Variants in KCNAB1 observed in about 807,000 individuals in gnomAD.
KCNAB1 encodes the protein voltage-gated potassium channel subunit beta-1.
Under a neutral mutation model 64.6 loss-of-function variants are expected in KCNAB1, and 35 were observed. The ratio of observed to expected loss-of-function variants is 0.54; its 90% CI spans 0.41 to 0.72. The LOEUF is 0.72. Among genes scored for constraint, KCNAB1 ranks in the 30% least tolerant of loss-of-function variants. The pLI is 0.00. For missense variants in KCNAB1, 401 were observed against 512.9 expected (o/e 0.78, Z 2.11); for synonymous variants, 177 against 183.8 (o/e 0.96, Z 0.30).
At chr3:156,311,658 T>C (rs1721913144) in intron 1 of KCNAB1, among the ~76,000 whole-genome samples, 1 of 152,148 alleles carries the variant, frequency 6.6e-6, no homozygotes, top group African/African-American at 2.4e-5. Context: ...TCATTGCATA[T>C]TCTTTAGCAC....
At chr3:156,297,923 A>T (rs138531443) in intron 1 of KCNAB1, among the ~76,000 whole-genome samples, 1 of 152,300 alleles carries the variant, frequency 6.6e-6, no homozygotes, top group Non-Finnish European at 1.5e-5. Context: ...CCAGAAAAAA[A>T]GAGCAGTTTG....
chr3:156,453,086 T>C, intron 3 of KCNAB1, 150 bp downstream of exon 3: 1 of 530,304 alleles, frequency 1.9e-6, no homozygotes, highest in Non-Finnish European at 3.4e-6. Flanking sequence ...TTATTGTTGA[T>C]TTTATTTTTC....
intron 1 of KCNAB1, chr3:156,291,916 C>G: frequency 6.2e-7 from 1 of 1,614,118 alleles, no homozygotes; most frequent in Non-Finnish European, 8.5e-7. Flanking sequence ...CAATGCAAGT[C>G]TCCATAGCCT....
At chr3:156,161,178 T>A (rs770436563) in intron 1 of KCNAB1, among the ~76,000 whole-genome samples, 1 of 152,118 alleles carries the variant, frequency 6.6e-6, no homozygotes, top group Non-Finnish European at 1.5e-5. Context: ...CACAAAACTT[T>A]CCTCCAAGGC....
chr3:156,484,316 G>A (rs528682053), intron 8 of KCNAB1, among the ~76,000 whole-genome samples: 52 of 152,148 alleles, frequency 3.4e-4, no homozygotes, highest in South Asian at 1.0e-3. Flanking sequence ...GCTCCAAAAG[G>A]ATGCTTTTTT....
chr3:156,529,005 A>T (rs1718512124), intron 12 of KCNAB1, among the ~76,000 whole-genome samples: 1 of 152,144 alleles, frequency 6.6e-6, no homozygotes, highest in African/African-American at 2.4e-5. Context: ...AGGTAGGAAA[A>T]CCAGTTATCC....
chr3:156,154,214 C>A (rs1195154943), intron 1 of KCNAB1, among the ~76,000 whole-genome samples: 1 of 140,116 alleles, frequency 7.1e-6, no homozygotes, highest in Non-Finnish European at 1.5e-5. Flanking sequence ...CTAAGGTCAC[C>A]AGAAGTAGTG....
chr3:156,457,212 T>C, intron 3 of KCNAB1: 1 of 1,303,194 alleles, frequency 7.7e-7, no homozygotes, highest in Non-Finnish European at 9.8e-7. Context: ...TCTATCCACT[T>C]TGGGCAGGCT....
At chr3:156,511,508 C>T (rs565512777) in intron 8 of KCNAB1, among the ~76,000 whole-genome samples, 1 of 152,314 alleles carries the variant, frequency 6.6e-6, no homozygotes, top group South Asian at 2.1e-4. Flanking sequence ...TCTCCCTTAT[C>T]TCTGTAAACA....
intron 1 of KCNAB1, among the ~76,000 whole-genome samples, chr3:156,364,554 G>A (rs1040535743): frequency 1.5e-4 from 23 of 152,074 alleles, no homozygotes; most frequent in African/African-American, 2.2e-4. Context: ...CGAGGCGGGC[G>A]GATCACCTAA....
chr3:156,530,426 G>A (rs572254849), intron 12 of KCNAB1, among the ~76,000 whole-genome samples: 1 of 152,116 alleles, frequency 6.6e-6, no homozygotes. Flanking sequence ...AGAGTGAGGG[G>A]GCAGGGGTTG....
chr3:156,459,818 C>T lies in KCNAB1; in HGVS notation c.438-9C>T, dbSNP rs371371064. ...TGCATTCTAAGACATTATCTGTTTC[C>T]CCTTCCAGGGCTGAAGTGATTCTGG... On this transcript the variant is annotated splice_polypyrimidine_tract_variant and intron_variant, in intron 4 of 13. Coordinates refer to ENST00000490337, the MANE Select transcript of KCNAB1 (RefSeq NM_172160.3). The T allele has an allele frequency of 5.0e-6, 8 of 1,602,064 alleles. No individual in the cohort carries two copies. The highest frequency in any genetic ancestry group is 6.8e-6 in the Non-Finnish European group (8 of 1,170,196).
intron 1 of KCNAB1, among the ~76,000 whole-genome samples, chr3:156,403,902 A>AG (rs1714071950): frequency 6.6e-6 from 1 of 151,980 alleles, no homozygotes. Flanking sequence ...TAAAAAAAAA[A>AG]AAACAAAGGG....
chr3:156,228,807 A>G (rs1297797469), intron 1 of KCNAB1, among the ~76,000 whole-genome samples: 6 of 152,080 alleles, frequency 3.9e-5, no homozygotes, highest in Non-Finnish European at 8.8e-5. Flanking sequence ...TGACCACCCT[A>G]TTTCTCCTTC....
At chr3:156,278,083 C>G (rs1225314686) in intron 1 of KCNAB1, among the ~76,000 whole-genome samples, 2 of 152,026 alleles carry the variant, frequency 1.3e-5, no homozygotes. Flanking sequence ...TGGATCTGCC[C>G]TTTTTACAAC....
intron 1 of KCNAB1, among the ~76,000 whole-genome samples, chr3:156,237,542 A>G (rs1322915125): frequency 3.3e-5 from 5 of 152,062 alleles, no homozygotes; most frequent in Non-Finnish European, 7.4e-5. Context: ...AACTATACGT[A>G]TTGTTTTGTA....
At chr3:156,270,072 C>G (rs764429086) in intron 1 of KCNAB1, among the ~76,000 whole-genome samples, 1 of 151,988 alleles carries the variant, frequency 6.6e-6, no homozygotes, top group Non-Finnish European at 1.5e-5. Flanking sequence ...CCTGCCACTA[C>G]GCCCAGCTAA....
intron 1 of KCNAB1, among the ~76,000 whole-genome samples, chr3:156,282,239 G>T (rs1417514619): frequency 4.7e-5 from 7 of 149,520 alleles, no homozygotes; most frequent in South Asian, 4.6e-4. Flanking sequence ...TAGTCATTCA[G>T]GAGCAGGTTG....
intron 5 of KCNAB1, among the ~76,000 whole-genome samples, chr3:156,463,245 C>G (rs1713065542): frequency 6.6e-6 from 1 of 152,146 alleles, no homozygotes; most frequent in Non-Finnish European, 1.5e-5. Flanking sequence ...GGGAGGAGTT[C>G]ATATGCAATC....
Sources: gnomAD v4.1 joint callset for allele counts (sites outside exome capture counted in the v4.1 genomes callset) on GRCh38, gnomAD v4.1.1 for gene constraint, MANE v1.5 for transcripts, NCBI Gene and HGNC (gene_info 2026-07-23, HGNC 2026-07-21) for gene names.